KIAA1217: variants seen among roughly 807,000 people sequenced by gnomAD.
KIAA1217 encodes sickle tail protein homolog.
Under a neutral mutation model 163.9 loss-of-function variants are expected in KIAA1217, and 88 were observed. The observed-to-expected ratio is 0.54, with a 90% CI of 0.45 to 0.64. The LOEUF (loss-of-function observed/expected upper bound fraction) is 0.64, where lower values mean the gene tolerates loss of function less well. KIAA1217 is among the 30% of genes least tolerant of loss of function. The pLI is 0.00. For missense variants in KIAA1217, 2,372 were observed against 2,475.0 expected (o/e 0.96, Z 0.88); for synonymous variants, 903 against 923.1 (o/e 0.98, Z 0.39).
At chr10:24,060,962 AG>A (rs1302053830) in intron 2 of KIAA1217, among the ~76,000 whole-genome samples, 1 of 152,192 alleles carries the variant, frequency 6.6e-6, no homozygotes, top group African/African-American at 2.4e-5. Context: ...TTGTTGTAAA[AG>A]GTTGCTCAAA....
chr10:24,524,099 A>G (rs1447001488), intron 12 of KIAA1217, among the ~76,000 whole-genome samples: 1 of 152,182 alleles, frequency 6.6e-6, no homozygotes, highest in Non-Finnish European at 1.5e-5. Flanking sequence ...TGTTAGACTC[A>G]TGATTCATTT....
chr10:24,186,935 T>G (rs1589823053), intron 2 of KIAA1217, among the ~76,000 whole-genome samples: 1 of 152,118 alleles, frequency 6.6e-6, no homozygotes, highest in Admixed American at 6.5e-5. Flanking sequence ...TTTCATTCCC[T>G]TTTCTCTTCC....
intron 2 of KIAA1217, among the ~76,000 whole-genome samples, chr10:24,016,768 T>A (rs1847497169): frequency 1.3e-5 from 2 of 152,032 alleles, no homozygotes; most frequent in Admixed American, 6.6e-5. Context: ...AAAATAAGCA[T>A]AGTAACTAAA....
intron 2 of KIAA1217, among the ~76,000 whole-genome samples, chr10:24,176,096 T>C (rs1268820491): frequency 2.0e-5 from 3 of 152,216 alleles, no homozygotes; most frequent in Non-Finnish European, 4.4e-5. Context: ...TACAGAGAGC[T>C]GATTGGTCCA....
chr10:24,464,492 C>CT (rs945300492), intron 5 of KIAA1217, among the ~76,000 whole-genome samples: 5 of 151,848 alleles, frequency 3.3e-5, no homozygotes, highest in Non-Finnish European at 7.4e-5. Flanking sequence ...CCCTTTGTTG[C>CT]TTTTTTTTGG....
intron 1 of KIAA1217, among the ~76,000 whole-genome samples, chr10:23,714,316 A>G (rs1304277633): frequency 6.6e-6 from 1 of 152,042 alleles, no homozygotes; most frequent in Non-Finnish European, 1.5e-5. Context: ...TTTGTGCACA[A>G]GTAATTTATG....
chr10:23,696,592 C>T (rs1161346786), intron 1 of KIAA1217, among the ~76,000 whole-genome samples: 6 of 152,222 alleles, frequency 3.9e-5, no homozygotes. Context: ...GTGCTAGATG[C>T]TCCTGCAACA....
At chr10:24,247,390 C>G (rs1402292644) in intron 2 of KIAA1217, among the ~76,000 whole-genome samples, 1 of 152,142 alleles carries the variant, frequency 6.6e-6, no homozygotes, top group Non-Finnish European at 1.5e-5. Context: ...TCTGCCTCCC[C>G]AAGTGTTGGG....
intron 1 of KIAA1217, among the ~76,000 whole-genome samples, chr10:23,777,915 C>G (rs56690053): frequency 3.2e-3 from 487 of 152,186 alleles, no homozygotes; most frequent in African/African-American, 0.011. Flanking sequence ...TCACTGACTA[C>G]CAGTCTTAAC....
At position 24,137,036 on chromosome 10, in the gene KIAA1217, G is replaced by A. The variant is rs1308851517; in HGVS notation, c.-170-82590G>A. Among the ~76,000 whole-genome samples the A allele has an allele frequency of 2.6e-5, 4 of 152,294 alleles. No homozygotes were observed. The East Asian group carries it at 7.7e-4, about 29-fold the overall frequency. ...AAGATGACGGTGTCATTAAAATAAG[G>A]TAACTCTTTTGAAGGGATAGCACTC... On this transcript the variant is annotated intron_variant, in intron 2 of 18. Coordinates refer to the KIAA1217 transcript ENST00000376462.
intron 1 of KIAA1217, among the ~76,000 whole-genome samples, chr10:23,981,385 CCAAAATGTTATCT>C (rs1845759133): frequency 6.6e-6 from 1 of 152,124 alleles, no homozygotes; most frequent in Non-Finnish European, 1.5e-5. Context: ...ATTTAGTCAA[CCAAAATGTTATCT>C]CACAGTCTTT....
intron 1 of KIAA1217, among the ~76,000 whole-genome samples, chr10:23,791,694 T>C (rs932174672): frequency 5.3e-5 from 8 of 152,234 alleles, no homozygotes; most frequent in Non-Finnish European, 1.2e-4. Context: ...ACCATAGTAA[T>C]TTCTGTCATT....
Position 24,391,501 on chromosome 10 carries a change from C to T in KIAA1217, c.553+10434C>T, listed in dbSNP as rs552326008. 3.9e-5 allele frequency among the ~76,000 whole-genome samples: 6 copies of T among 152,084 alleles called. No homozygotes were observed. The South Asian group carries it at 1.2e-3, about 32-fold the overall frequency. ...CTGGGATTACAGGCAACGGCCAACA[C>T]ACCTGGTTAATTTTTGTATTTTTAA... On this transcript the variant is annotated intron_variant, in intron 3 of 20. Transcript: ENST00000376454.
chr10:24,376,076 A>C (rs1056202081), intron 2 of KIAA1217, among the ~76,000 whole-genome samples: 1 of 152,246 alleles, frequency 6.6e-6, no homozygotes, highest in South Asian at 2.1e-4. Flanking sequence ...CTTGGTGAAC[A>C]TTTCAGCAAA....
intron 1 of KIAA1217, among the ~76,000 whole-genome samples, chr10:23,884,481 C>T (rs1056916445): frequency 1.3e-5 from 2 of 151,926 alleles, no homozygotes; most frequent in African/African-American, 4.8e-5. Context: ...GTCAGTCTAA[C>T]GATTGCTGAC....
At chr10:24,253,158 G>T (rs2074751249) in intron 2 of KIAA1217, among the ~76,000 whole-genome samples, 1 of 152,232 alleles carries the variant, frequency 6.6e-6, no homozygotes. Context: ...GGTGCCCTGG[G>T]AGAGGTAGCC....
At chr10:24,024,017 C>T (rs1443048122) in intron 2 of KIAA1217, among the ~76,000 whole-genome samples, 1 of 151,296 alleles carries the variant, frequency 6.6e-6, no homozygotes, top group Non-Finnish European at 1.5e-5. Flanking sequence ...TGGACATAAT[C>T]TATATTTTGG....
At chr10:23,731,586 G>A (rs188425715) in intron 1 of KIAA1217, among the ~76,000 whole-genome samples, 15 of 152,240 alleles carry the variant, frequency 9.9e-5, no homozygotes, top group Non-Finnish European at 1.6e-4. Context: ...GAAAGCCTAA[G>A]CCCGGTTAGG....
intron 5 of KIAA1217, among the ~76,000 whole-genome samples, chr10:24,455,947 G>A (rs2061742858): frequency 6.6e-6 from 1 of 152,072 alleles, no homozygotes; most frequent in Non-Finnish European, 1.5e-5. Context: ...GGAGTGCAGT[G>A]GTGCAGTGGT....
Sources: gnomAD v4.1 joint callset for allele counts (sites outside exome capture counted in the v4.1 genomes callset) on GRCh38, gnomAD v4.1.1 for gene constraint, MANE v1.5 for transcripts, NCBI Gene and HGNC (gene_info 2026-07-23, HGNC 2026-07-21) for gene names.